The following DSG4 variants were observed in gnomAD, a reference collection of about 807,000 sequenced individuals.
DSG4 encodes desmoglein 4.
A neutral mutation model predicts 93.1 loss-of-function variants in DSG4; 87 were observed. That is an observed-to-expected ratio of 0.93 (90% CI 0.79 to 1.12). DSG4 has a LOEUF of 1.12. Among genes scored for constraint, DSG4 ranks in the 50% most tolerant of loss-of-function variants. The probability of loss-of-function intolerance (pLI) is 0.00; values close to 1 mark genes in which losing one functional copy is unlikely to be tolerated. For synonymous variants in DSG4, 432 were observed against 452.9 expected (o/e 0.95, Z 0.59); for missense variants, 1,373 against 1,285.7 (o/e 1.07, Z -1.04).
intron 8 of DSG4, among the ~76,000 whole-genome samples, chr18:31,393,580 G>A (rs1335243191): frequency 6.6e-6 from 1 of 152,152 alleles, no homozygotes; most frequent in Admixed American, 6.5e-5. Flanking sequence ...GGCTATGGTG[G>A]TAAACCATTC....
chr18:31,391,196 C>T lies in DSG4; in HGVS notation c.803C>T (p.Thr268Ile). Residue 268 changes from threonine to isoleucine, a missense_variant, in exon 7 of 16, where the codon ACC (threonine) becomes ATC (isoleucine). By Grantham distance (89) the Thr-to-Ile change is moderately conservative. Coordinates refer to ENST00000308128, the MANE Select transcript of DSG4 (RefSeq NM_177986.5). The part of the protein sequence containing the change: ...KVLDVNDNFP[T>I]LEKTSYSASI... The stretch of plus-strand genomic sequence containing the variant: ...TTAGACGTCAACGATAATTTCCCCA[C>T]CTTAGAGAAAACTTCAGTAAGTTTG... 2 of 1,613,550 alleles carry T rather than the reference C, an allele frequency of 1.2e-6. No individual in the cohort carries two copies. Among genetic ancestry groups the T allele is most frequent in the Non-Finnish European group, 1.7e-6 (2 of 1,179,610 alleles).
chr18:31,406,762 A>G (rs1161478850), intron 12 of DSG4, among the ~76,000 whole-genome samples: 1 of 149,782 alleles, frequency 6.7e-6, no homozygotes, highest in Non-Finnish European at 1.5e-5. Context: ...AAAGCTGAGG[A>G]TTTTTTTTTT....
At chr18:31,398,797 A>G (rs1272518246) in intron 8 of DSG4, among the ~76,000 whole-genome samples, 1 of 152,164 alleles carries the variant, frequency 6.6e-6, no homozygotes, top group Non-Finnish European at 1.5e-5. Context: ...TTAAAAAAAA[A>G]TTACGTGTTC....
intron 2 of DSG4, among the ~76,000 whole-genome samples, chr18:31,385,644 G>T (rs887500139): frequency 1.3e-5 from 2 of 152,074 alleles, no homozygotes; most frequent in African/African-American, 2.4e-5. Context: ...CTCTGGCAGA[G>T]CTTTATTTTA....
At chr18:31,408,249 T>C (rs575344201) in intron 12 of DSG4, among the ~76,000 whole-genome samples, 98 of 152,338 alleles carry the variant, frequency 6.4e-4, no homozygotes, top group Admixed American at 1.7e-3. Flanking sequence ...ACAGTAATTG[T>C]ATTGGGTATG....
chr18:31,385,577 C>A (rs1261410670), intron 2 of DSG4, among the ~76,000 whole-genome samples: 4 of 152,110 alleles, frequency 2.6e-5, no homozygotes. Context: ...AAATGGAAAA[C>A]ATATAATCTA....
intron 11 of DSG4, among the ~76,000 whole-genome samples, chr18:31,404,749 G>A (rs1345422265): frequency 1.3e-5 from 2 of 152,278 alleles, no homozygotes; most frequent in East Asian, 1.9e-4. Context: ...TCATGTTAAA[G>A]CAATTCCATT....
Position 31,411,254 on chromosome 18 carries a change from G to T in DSG4, c.2161G>T (p.Ala721Ser), listed in dbSNP as rs1568073822. ...AGAAATCTACACCAACACCTATGCA[G>T]CCGGGGGCACGGTGGAAGGAGGTGT... ...SSEIYTNTYA[A>S]GGTVEGGVSG... The change falls in exon 15 of 16, where the codon GCC becomes TCC. Residue 721 changes from alanine to serine, a missense_variant. Ala to Ser is a moderately conservative substitution (Grantham distance 99, BLOSUM62 1). Coordinates refer to ENST00000308128, the MANE Select transcript of DSG4 (RefSeq NM_177986.5). 1.9e-6 allele frequency: 3 copies of T among 1,613,754 alleles called. No individual in the cohort carries two copies. The highest frequency in any genetic ancestry group is 2.5e-6 in the Non-Finnish European group (3 of 1,180,046).
intron 8 of DSG4, 89 bp from the exon 9 acceptor site, chr18:31,399,183 T>C: frequency 6.5e-7 from 1 of 1,540,312 alleles, no homozygotes; most frequent in South Asian, 1.1e-5. Context: ...GACCTTATTC[T>C]AGTGTGTGGT....
intron 11 of DSG4, 103 bp from the exon 12 acceptor site, chr18:31,405,974 A>T (rs2072419765): frequency 7.7e-7 from 1 of 1,301,384 alleles, no homozygotes; most frequent in African/African-American, 1.5e-5. Context: ...AGCATGAAAA[A>T]TCTAGTGTTT....
chr18:31,386,555 G>A (rs1460597), intron 2 of DSG4, 133 bp from the exon 3 acceptor site: 1 of 1,346,514 alleles, frequency 7.4e-7, no homozygotes. Flanking sequence ...GTTGTGAATT[G>A]GTGAAAACAT....
At chr18:31,403,335 C>A in intron 10 of DSG4, 81 bp from the exon 11 acceptor site, 4 of 1,186,386 alleles carry the variant, frequency 3.4e-6, no homozygotes, top group Non-Finnish European at 4.9e-6. Flanking sequence ...CTACAAGTTC[C>A]ATGGCATCAT....
In DSG4 at chr18:31,413,168, C is replaced by T; in HGVS notation, c.2696C>T (p.Pro899Leu). 6.2e-7 allele frequency: 1 copy of T among 1,614,098 alleles called. No individual in the cohort carries two copies. The highest frequency in any genetic ancestry group is 8.5e-7 in the Non-Finnish European group (1 of 1,180,018). Reference sequence around the variant, plus strand: ...CAAGAAGAAATGGCAGCATCTGAACCCGTGGTCCATGGGGATATTATTGTG... The same window carrying T: ...CAAGAAGAAATGGCAGCATCTGAACTCGTGGTCCATGGGGATATTATTGTG... Reference protein sequence around the residue: ...EFQEEMAASEPVVHGDIIVTE... With the variant: ...EFQEEMAASELVVHGDIIVTE... Residue 899 changes from proline (P) to leucine (L), a missense_variant, in exon 16 of 16, where the codon CCC becomes CTC. Transcript: ENST00000308128.
chr18:31,377,001 A>T (rs1310700426), intron 1 of DSG4, 42 bp downstream of exon 1: 1 of 1,600,926 alleles, frequency 6.2e-7, no homozygotes, highest in African/African-American at 1.3e-5. Flanking sequence ...TGCAGCCTCA[A>T]GGTCTTGTCT....
chr18:31,391,719 C>G (rs1443693117), intron 7 of DSG4, among the ~76,000 whole-genome samples: 1 of 151,908 alleles, frequency 6.6e-6, no homozygotes, highest in Non-Finnish European at 1.5e-5. Context: ...GCATAGCTGT[C>G]CTCATGCCTT....
At chr18:31,409,985 G>A (rs879231226) in intron 14 of DSG4, among the ~76,000 whole-genome samples, 177 bp downstream of exon 14, 1 of 152,128 alleles carries the variant, frequency 6.6e-6, no homozygotes, top group Non-Finnish European at 1.5e-5. Context: ...TGAAACTACA[G>A]ACAGTGAAGT....
intron 12 of DSG4, among the ~76,000 whole-genome samples, chr18:31,407,224 T>G (rs1456104881): frequency 1.3e-5 from 2 of 150,134 alleles, no homozygotes; most frequent in African/African-American, 2.5e-5. Flanking sequence ...CAAAAGGGAG[T>G]CTGGGAGCCA....
At position 31,386,713 on chromosome 18, in the gene DSG4, G is replaced by A. The variant is rs1568062096; in HGVS notation, c.110G>A (p.Gly37Asp). The change falls in exon 3 of 16, where the codon GGC (glycine) becomes GAC (aspartate). Residue 37 changes from glycine (G) to aspartate (D), a missense_variant. Gly to Asp is a moderately conservative substitution (Grantham distance 94). Transcript: ENST00000308128. ...VEVKEFDIEN[G>D]TTKWQTVRRQ... ...GTGAAGGAATTTGACATTGAAAATGGCACTACAAAATGGCAAACAGTCAGA... is the reference window on the plus strand; with the variant it reads ...GTGAAGGAATTTGACATTGAAAATGACACTACAAAATGGCAAACAGTCAGA... The A allele has an allele frequency of 6.2e-7, 1 of 1,613,286 alleles. No individual in the cohort carries two copies. Among genetic ancestry groups the A allele is most frequent in the Non-Finnish European group, 8.5e-7 (1 of 1,179,386 alleles).
chr18:31,410,707 G>A (rs1225809684), intron 14 of DSG4, among the ~76,000 whole-genome samples: 77 of 152,298 alleles, frequency 5.1e-4, no homozygotes, highest in Non-Finnish European at 1.3e-4. Context: ...CAAACAGAGA[G>A]GGTGCTTAAT....
Sources: allele counts gnomAD v4.1 joint callset (sites outside exome capture counted in the v4.1 genomes callset), GRCh38; gene constraint gnomAD v4.1.1; transcripts MANE v1.5; gene names NCBI Gene and HGNC (gene_info 2026-07-23, HGNC 2026-07-21).